The following ARID1B variants were observed in gnomAD, a reference collection of about 807,000 sequenced individuals.
ARID1B encodes the protein AT-rich interaction domain 1B, also known as AT-rich interactive domain-containing protein 1B.
Under a neutral mutation model 212.3 loss-of-function variants are expected in ARID1B, and 30 were observed. The ratio of observed to expected loss-of-function variants is 0.14; its 90% CI spans 0.11 to 0.19. The LOEUF is 0.19. ARID1B is among the 10% of genes least tolerant of loss of function. ARID1B has a pLI of 1.00. For missense variants in ARID1B, 2,891 were observed against 3,204.0 expected, an observed-to-expected ratio of 0.90 and a Z score of 2.36; for synonymous variants, 1,402 against 1,301.7, an observed-to-expected ratio of 1.08 and a Z score of -1.66.
chr6:157,048,450 T>G (rs976199854), intron 4 of ARID1B, among the ~76,000 whole-genome samples: 5 of 152,226 alleles, frequency 3.3e-5, no homozygotes, highest in African/African-American at 1.2e-4. Context: ...GCTCTGGAAG[T>G]GATAATGCAA....
chr6:157,162,956 A>G (rs1016777253), intron 8 of ARID1B, among the ~76,000 whole-genome samples: 3 of 152,178 alleles, frequency 2.0e-5, no homozygotes, highest in African/African-American at 7.2e-5. Flanking sequence ...TGAAGCCCGC[A>G]GGCCCCCTGG....
intron 1 of ARID1B, among the ~76,000 whole-genome samples, chr6:156,796,229 A>G (rs1349308400): frequency 2.6e-5 from 4 of 152,182 alleles, no homozygotes; most frequent in African/African-American, 9.7e-5. Context: ...ATGTATCACT[A>G]TCAGGGTTAT....
At chr6:156,947,211 A>C (rs190956654) in intron 4 of ARID1B, among the ~76,000 whole-genome samples, 100 of 152,318 alleles carry the variant, frequency 6.6e-4, no homozygotes, top group African/African-American at 2.4e-3. Flanking sequence ...GTAAATTTCT[A>C]TCCAAATAGG....
At chr6:156,841,034 C>T (rs1783862881) in intron 2 of ARID1B, among the ~76,000 whole-genome samples, 1 of 152,158 alleles carries the variant, frequency 6.6e-6, no homozygotes. Flanking sequence ...GGATGCCGTA[C>T]ATACAAAACA....
At chr6:157,079,806 C>T (rs912754388) in intron 4 of ARID1B, among the ~76,000 whole-genome samples, 6 of 152,002 alleles carry the variant, frequency 3.9e-5, no homozygotes, top group South Asian at 4.1e-4. Flanking sequence ...CCGCACTTGG[C>T]ACAAGAAGTC....
chr6:157,006,491 TA>T (rs1232962994), intron 4 of ARID1B, among the ~76,000 whole-genome samples: 1 of 152,260 alleles, frequency 6.6e-6, no homozygotes. Flanking sequence ...CAGTACCAGT[TA>T]AGCAGCCATC....
intron 4 of ARID1B, among the ~76,000 whole-genome samples, chr6:157,005,001 C>T (rs1252280086): frequency 6.9e-6 from 1 of 145,054 alleles, no homozygotes; most frequent in Non-Finnish European, 1.5e-5. Flanking sequence ...CAACCTCCAC[C>T]TCCCGGATTC....
At chr6:157,054,261 C>G (rs1782795045) in intron 4 of ARID1B, among the ~76,000 whole-genome samples, 1 of 151,092 alleles carries the variant, frequency 6.6e-6, no homozygotes, top group Non-Finnish European at 1.5e-5. Flanking sequence ...CTGTGTGATT[C>G]TTTGCCTTAG....
At chr6:157,039,889 T>TCCTTCCTA (rs1781753137) in intron 4 of ARID1B, among the ~76,000 whole-genome samples, 1 of 134,076 alleles carries the variant, frequency 7.5e-6, no homozygotes, top group Non-Finnish European at 1.6e-5. Flanking sequence ...TTCTCTTCCT[T>TCCTTCCTA]CCTTCCTTCC....
chr6:157,194,455 G>C (rs1793584579), intron 15 of ARID1B: 1 of 152,228 alleles, frequency 6.6e-6, no homozygotes, highest in South Asian at 2.1e-4. Flanking sequence ...TAACATAAAA[G>C]TAACTATCAT....
At chr6:156,925,966 T>G (rs1326088097) in intron 3 of ARID1B, among the ~76,000 whole-genome samples, 2 of 152,152 alleles carry the variant, frequency 1.3e-5, no homozygotes, top group African/African-American at 4.8e-5. Flanking sequence ...GCTGGTGGAA[T>G]AGGAAACTAA....
intron 11 of ARID1B, among the ~76,000 whole-genome samples, chr6:157,177,955 G>T (rs948198107): frequency 6.6e-6 from 1 of 152,208 alleles, no homozygotes; most frequent in African/African-American, 2.4e-5. Flanking sequence ...TATGTTTGGA[G>T]CCTGGTCAGT....
At chr6:157,078,930 C>T (rs1346848387) in intron 4 of ARID1B, among the ~76,000 whole-genome samples, 1 of 152,154 alleles carries the variant, frequency 6.6e-6, no homozygotes, top group African/African-American at 2.4e-5. Flanking sequence ...GGCCACCCCT[C>T]TTAAAGTGAA....
At chr6:156,897,212 G>T (rs982425313) in intron 2 of ARID1B, among the ~76,000 whole-genome samples, 2,312 of 68,948 alleles carry the variant, frequency 0.034, 35 homozygotes, top group African/African-American at 0.087. Flanking sequence ...TGCTGCTGCT[G>T]CTGCTGCTTC....
chr6:156,928,987 TC>T (rs1291458172), intron 3 of ARID1B, among the ~76,000 whole-genome samples: 6 of 152,212 alleles, frequency 3.9e-5, no homozygotes, highest in Non-Finnish European at 5.9e-5. Context: ...GTTTGAAGCT[TC>T]CAGTTGTCTC....
intron 2 of ARID1B, among the ~76,000 whole-genome samples, chr6:156,872,473 C>T (rs62435828): frequency 0.053 from 8,125 of 152,178 alleles, 259 homozygotes; most frequent in Middle Eastern, 0.11. Context: ...AGGCGCGCAC[C>T]ACCACGCCCA....
At chr6:156,919,564 C>T (rs1790619681) in intron 3 of ARID1B, among the ~76,000 whole-genome samples, 1 of 152,212 alleles carries the variant, frequency 6.6e-6, no homozygotes, top group Non-Finnish European at 1.5e-5. Context: ...ATCTCAGACA[C>T]TGTTGGGCAG....
In ARID1B at chr6:156,782,363, G is replaced by C. The variant is rs1047940365; in HGVS notation, c.1791+2892G>C. On this transcript the variant is annotated intron_variant, in intron 1 of 19. Coordinates refer to ENST00000636930, the MANE Select transcript of ARID1B (RefSeq NM_001374828.1). Reference sequence around the variant, plus strand: ...AAACGTGTATATATTATAGGAGAAGGGTCTTTTTAAAAAGTGAAATAAGCC... The same window carrying C: ...AAACGTGTATATATTATAGGAGAAGCGTCTTTTTAAAAAGTGAAATAAGCC... Among the ~76,000 whole-genome samples the C allele has an allele frequency of 7.2e-5, 11 of 151,922 alleles. No homozygotes were observed. The East Asian group carries it at 2.1e-3, about 29-fold the overall frequency.
intron 9 of ARID1B, chr6:157,169,643 G>C (rs540158819): frequency 6.6e-6 from 1 of 152,248 alleles, no homozygotes; most frequent in South Asian, 2.1e-4. Context: ...GATTGGTTAG[G>C]TTTTACTTAT....
Sources: gnomAD v4.1 joint callset for allele counts (sites outside exome capture counted in the v4.1 genomes callset) on GRCh38, gnomAD v4.1.1 for gene constraint, MANE v1.5 for transcripts, NCBI Gene and HGNC (gene_info 2026-07-23, HGNC 2026-07-21) for gene names.